The following MAGI2 variants were observed in gnomAD, a reference collection of about 807,000 sequenced individuals.
MAGI2 encodes the protein membrane associated guanylate kinase, WW and PDZ domain containing 2, also known as membrane-associated guanylate kinase, WW and PDZ domain-containing protein 2.
MAGI2 carries 35 observed loss-of-function variants against 133.3 expected under a neutral mutation model. That is an observed-to-expected ratio of 0.26 (90% CI 0.20 to 0.35). The LOEUF (loss-of-function observed/expected upper bound fraction) is 0.35. Among genes scored for constraint, MAGI2 ranks in the 10% least tolerant of loss-of-function variants. MAGI2 has a pLI of 1.00. For missense variants in MAGI2, 1,636 were observed against 1,863.4 expected (o/e 0.88, Z 2.25); for synonymous variants, 729 against 710.6 (o/e 1.03, Z -0.41).
At chr7:78,481,492 T>G (rs1792368387) in intron 6 of MAGI2, among the ~76,000 whole-genome samples, 2 of 151,808 alleles carry the variant, frequency 1.3e-5, no homozygotes, top group African/African-American at 2.4e-5. Flanking sequence ...CAAGGTGAGA[T>G]TTGGGTGGGG....
At position 78,765,343 on chromosome 7, in the gene MAGI2, C is replaced by CGTT. The variant is rs71931638; in HGVS notation, c.419-138105_419-138104insAAC. Reference sequence around the variant, plus strand: ...CATTTAACAAATGTTTAGTGCACATCTTTTTTTTTTTTTTTTTTTTTTGAG... The same window carrying CGTT: ...CATTTAACAAATGTTTAGTGCACATCGTTTTTTTTTTTTTTTTTTTTTTTTGAG... On this transcript the variant is annotated intron_variant, in intron 2 of 21. Coordinates refer to ENST00000354212, the MANE Select transcript of MAGI2 (RefSeq NM_012301.4). Among the ~76,000 whole-genome samples, 190 of 89,064 alleles carry CGTT rather than the reference C, an allele frequency of 2.1e-3. 3 individuals carry two copies. The highest frequency in any genetic ancestry group is 3.2e-3 in the Non-Finnish European group (164 of 51,216). The allele number at this position is 89,064 out of a possible 152,430, so 58.4% of individuals were successfully genotyped here.
chr7:78,911,046 A>T (rs1798363287), intron 2 of MAGI2, among the ~76,000 whole-genome samples: 1 of 152,138 alleles, frequency 6.6e-6, no homozygotes, highest in Admixed American at 6.5e-5. Context: ...GTAATAACTG[A>T]CTTTACTTTT....
At chr7:79,416,101 A>G (rs1846489521) in intron 1 of MAGI2, among the ~76,000 whole-genome samples, 1 of 152,162 alleles carries the variant, frequency 6.6e-6, no homozygotes, top group East Asian at 1.9e-4. Flanking sequence ...GGTAACAATG[A>G]GAAAGAATCA....
chr7:78,630,179 A>T (rs1808806288), intron 2 of MAGI2, among the ~76,000 whole-genome samples: 1 of 151,440 alleles, frequency 6.6e-6, no homozygotes, highest in South Asian at 2.1e-4. Context: ...ATACTTTAAG[A>T]TGCCTCTTGA....
chr7:78,084,019 G>T (rs1370526685), intron 20 of MAGI2, among the ~76,000 whole-genome samples: 1 of 152,182 alleles, frequency 6.6e-6, no homozygotes, highest in African/African-American at 2.4e-5. Flanking sequence ...GGCAGTCCCA[G>T]CTCAAAGGGT....
chr7:78,750,814 T>C (rs183448502), intron 2 of MAGI2, among the ~76,000 whole-genome samples: 191 of 152,336 alleles, frequency 1.3e-3, no homozygotes, highest in African/African-American at 4.4e-3. Context: ...AAGGTTTCTA[T>C]AATATGCTGA....
intron 1 of MAGI2, among the ~76,000 whole-genome samples, chr7:79,149,113 A>C (rs1198415886): frequency 6.9e-6 from 1 of 144,428 alleles, no homozygotes; most frequent in East Asian, 2.0e-4. Flanking sequence ...AATATATTAT[A>C]TTATATATAA....
intron 2 of MAGI2, among the ~76,000 whole-genome samples, chr7:78,736,987 C>T (rs151162947): frequency 4.2e-4 from 64 of 152,302 alleles, no homozygotes; most frequent in African/African-American, 1.5e-3. Context: ...ACACTTTGTG[C>T]ATGAAGTACT....
intron 5 of MAGI2, among the ~76,000 whole-genome samples, chr7:78,492,126 A>G (rs1793679570): frequency 6.6e-6 from 1 of 152,060 alleles, no homozygotes; most frequent in African/African-American, 2.4e-5. Flanking sequence ...CACTGCAGAG[A>G]GTCAAATTAC....
rs1016441264 is a variant in MAGI2 at position 78,433,334 on chromosome 7, C to A, written c.1045+56427G>T. ...CTACTCCTTATTTGTATAAAATATA[C>A]CTTTCAAGCATTTAAGGACACCCTC... On this transcript the variant is annotated intron_variant, in intron 6 of 21. Coordinates refer to ENST00000354212, the MANE Select transcript of MAGI2 (RefSeq NM_012301.4). Among the ~76,000 whole-genome samples the A allele has an allele frequency of 5.9e-5, 9 of 152,056 alleles. No individual in the cohort carries two copies. In the East Asian group the frequency reaches 1.5e-3, roughly 26 times the overall value.
chr7:78,036,213 G>A (rs568616914), intron 21 of MAGI2, among the ~76,000 whole-genome samples: 1 of 152,278 alleles, frequency 6.6e-6, no homozygotes, highest in South Asian at 2.1e-4. Context: ...TCTAGAGTGA[G>A]GCAGTGTAGA....
chr7:78,735,357 T>A lies in MAGI2; in HGVS notation c.419-108118A>T, dbSNP rs76394125. Among the ~76,000 whole-genome samples, 8 of 152,306 alleles carry A rather than the reference T, an allele frequency of 5.3e-5. No homozygotes were observed. In the East Asian group the frequency reaches 1.5e-3, roughly 29 times the overall value. ...TCTACAGATCTTCCCAGAAGTTTTA[T>A]GTCCTATTCCAGGATACAACAACAG... On this transcript the variant is annotated intron_variant, in intron 2 of 21. Transcript: ENST00000354212.
intron 6 of MAGI2, among the ~76,000 whole-genome samples, chr7:78,482,083 A>G (rs915660998): frequency 6.6e-6 from 1 of 151,816 alleles, no homozygotes; most frequent in African/African-American, 2.4e-5. Context: ...AACAACTGGC[A>G]AAAGACATGA....
intron 2 of MAGI2, among the ~76,000 whole-genome samples, chr7:79,006,375 A>T (rs540956212): frequency 7.2e-5 from 11 of 152,266 alleles, no homozygotes; most frequent in African/African-American, 2.4e-4. Flanking sequence ...AAGAAAATGG[A>T]TTTTTGATAT....
At chr7:78,451,087 C>T (rs1371072041) in intron 6 of MAGI2, among the ~76,000 whole-genome samples, 2 of 152,018 alleles carry the variant, frequency 1.3e-5, no homozygotes, top group South Asian at 2.1e-4. Context: ...CAGTGCAACC[C>T]GTTCAGAATT....
At chr7:79,337,734 T>C (rs994235147) in intron 1 of MAGI2, among the ~76,000 whole-genome samples, 1 of 152,136 alleles carries the variant, frequency 6.6e-6, no homozygotes, top group Non-Finnish European at 1.5e-5. Context: ...ACAATGCCCA[T>C]AGAGATAACC....
At chr7:78,565,620 A>C (rs1390883073) in intron 3 of MAGI2, among the ~76,000 whole-genome samples, 1 of 152,300 alleles carries the variant, frequency 6.6e-6, no homozygotes, top group Non-Finnish European at 1.5e-5. Flanking sequence ...ATTAAATAAA[A>C]CATTTGCTTT....
intron 18 of MAGI2, among the ~76,000 whole-genome samples, chr7:78,131,961 G>A (rs944219644): frequency 2.0e-5 from 3 of 152,036 alleles, no homozygotes; most frequent in African/African-American, 4.8e-5. Flanking sequence ...TGCAACCTCC[G>A]CCTCCTGGGC....
intron 16 of MAGI2, among the ~76,000 whole-genome samples, chr7:78,143,579 A>G (rs1416419665): frequency 6.6e-6 from 1 of 152,174 alleles, no homozygotes; most frequent in East Asian, 1.9e-4. Context: ...TAGTGATTGG[A>G]AATATAACTA....
Sources: gnomAD v4.1 joint callset for allele counts (sites outside exome capture counted in the v4.1 genomes callset) on GRCh38, gnomAD v4.1.1 for gene constraint, MANE v1.5 for transcripts, NCBI Gene and HGNC (gene_info 2026-07-23, HGNC 2026-07-21) for gene names.